DMRT1: variants seen among roughly 807,000 people sequenced by gnomAD.
The protein encoded by DMRT1 is doublesex- and mab-3-related transcription factor 1.
DMRT1 carries 7 observed loss-of-function variants against 32.3 expected under a neutral mutation model. The observed-to-expected ratio is 0.22, with a 90% CI of 0.12 to 0.41. The LOEUF is 0.41. Among genes scored for constraint, DMRT1 ranks in the 10% least tolerant of loss-of-function variants. The pLI, the probability that DMRT1 is intolerant of heterozygous loss-of-function variation, is 1.00. For missense variants in DMRT1, 625 were observed against 500.5 expected, an observed-to-expected ratio of 1.25 and a Z score of -2.37; for synonymous variants, 278 against 206.1, an observed-to-expected ratio of 1.35 and a Z score of -2.99.
In DMRT1 at chr9:879,055, G is replaced by A. The variant is rs114616246; in HGVS notation, c.539-14857G>A. Reference sequence around the variant, plus strand: ...ATAAGGATAAAGCCAGAGCTGCCTGGTTAGGACTTTATTGCTGTCTACTAA... The same window carrying A: ...ATAAGGATAAAGCCAGAGCTGCCTGATTAGGACTTTATTGCTGTCTACTAA... On this transcript the variant is annotated intron_variant, in intron 2 of 4. Transcript: ENST00000382276. Among the ~76,000 whole-genome samples the A allele has an allele frequency of 7.8e-3, 1,194 of 152,266 alleles. 16 individuals are homozygous for A. Among genetic ancestry groups the A allele is most frequent in the African/African-American group, 0.027 (1,141 of 41,552 alleles).
At chr9:879,797 C>G (rs557219533) in intron 2 of DMRT1, among the ~76,000 whole-genome samples, 33 of 152,270 alleles carry the variant, frequency 2.2e-4, no homozygotes, top group African/African-American at 7.5e-4. Context: ...CTTTGGATGG[C>G]TCTTTCATCC....
chr9:893,162 G>A (rs987518896), intron 2 of DMRT1, among the ~76,000 whole-genome samples: 47 of 152,208 alleles, frequency 3.1e-4, no homozygotes, highest in African/African-American at 1.1e-3. Context: ...TCAGGCACCC[G>A]GACTGGCTCT....
At chr9:901,664 A>G (rs2129675974) in intron 3 of DMRT1, among the ~76,000 whole-genome samples, 1 of 149,562 alleles carries the variant, frequency 6.7e-6, no homozygotes, top group East Asian at 2.0e-4. Flanking sequence ...GAGACTTCAC[A>G]TGAGTTTTTT....
intron 3 of DMRT1, among the ~76,000 whole-genome samples, chr9:914,197 T>C (rs1310821127): frequency 6.6e-6 from 1 of 152,216 alleles, no homozygotes; most frequent in Non-Finnish European, 1.5e-5. Flanking sequence ...GCTCTTCTGC[T>C]GTGTGGTCTT....
At chr9:960,690 C>T (rs887499653) in intron 4 of DMRT1, among the ~76,000 whole-genome samples, 2 of 152,210 alleles carry the variant, frequency 1.3e-5, no homozygotes, top group African/African-American at 4.8e-5. Flanking sequence ...CTGGGCTTGG[C>T]CCAGCCTGAC....
At chr9:913,790 G>A (rs916414627) in intron 3 of DMRT1, among the ~76,000 whole-genome samples, 1 of 152,166 alleles carries the variant, frequency 6.6e-6, no homozygotes, top group Non-Finnish European at 1.5e-5. Flanking sequence ...CTACTCAGGA[G>A]GCTGACGCAG....
rs369860332 is a variant in DMRT1 at position 862,631 on chromosome 9, G to T, written c.538+15488G>T. On this transcript the variant is annotated intron_variant, in intron 2 of 4. Transcript: ENST00000382276. ...AGATTGATGGGAAGGTCGTGCTGTT[G>T]TCCAGGTGAAAGGGAGAGCTGCTTA... 9.9e-5 allele frequency among the ~76,000 whole-genome samples: 15 copies of T among 152,270 alleles called. 1 individual carries two copies. Among genetic ancestry groups the T allele is most frequent in the Admixed American group, 7.2e-4 (11 of 15,292 alleles).
At chr9:906,040 C>A (rs866205851) in intron 3 of DMRT1, among the ~76,000 whole-genome samples, 1,084 of 75,096 alleles carry the variant, frequency 0.014, 13 homozygotes, top group African/African-American at 0.031. Context: ...CCCACACACA[C>A]ACACACACAC....
At chr9:882,620 A>T (rs1040207556) in intron 2 of DMRT1, among the ~76,000 whole-genome samples, 1 of 152,046 alleles carries the variant, frequency 6.6e-6, no homozygotes, top group African/African-American at 2.4e-5. Context: ...CAGTAGCCCC[A>T]GGGCAGCCTG....
chr9:910,510 T>G (rs1201158228), intron 3 of DMRT1, among the ~76,000 whole-genome samples: 1 of 151,458 alleles, frequency 6.6e-6, no homozygotes, highest in Non-Finnish European at 1.5e-5. Context: ...CAGTGACTGG[T>G]ATTTGGGATT....
Position 841,781 on chromosome 9 carries a change from G to A in DMRT1, c.-58G>A. 6.4e-7 allele frequency: 1 copy of A among 1,561,698 alleles called. No individual in the cohort carries two copies. Reference sequence around the variant, plus strand: ...TCGCTGTCCGTCGGGTTCATCCCTCGCAGCAGTCTCCAGGCGAGAGAGGGG... The same window carrying A: ...TCGCTGTCCGTCGGGTTCATCCCTCACAGCAGTCTCCAGGCGAGAGAGGGG... On this transcript the variant is annotated 5_prime_UTR_variant, in exon 1 of 5. Coordinates refer to ENST00000382276, the MANE Select transcript of DMRT1 (RefSeq NM_021951.3).
At chr9:916,489 G>A (rs1818187452) in intron 3 of DMRT1, among the ~76,000 whole-genome samples, 1 of 152,008 alleles carries the variant, frequency 6.6e-6, no homozygotes, top group Non-Finnish European at 1.5e-5. Context: ...TCCTACCTCA[G>A]CCTCCTGAGT....
At chr9:944,926 G>C (rs925245164) in intron 4 of DMRT1, among the ~76,000 whole-genome samples, 2 of 151,926 alleles carry the variant, frequency 1.3e-5, no homozygotes, top group Admixed American at 6.6e-5. Flanking sequence ...GGTAAATCTA[G>C]TTGCCTAAAA....
chr9:895,255 C>T (rs941695880), intron 3 of DMRT1, among the ~76,000 whole-genome samples: 15 of 152,072 alleles, frequency 9.9e-5, no homozygotes, highest in Non-Finnish European at 1.2e-4. Flanking sequence ...TCATCATGCC[C>T]GTTTGTTAGC....
intron 4 of DMRT1, among the ~76,000 whole-genome samples, chr9:927,622 A>G (rs1165021828): frequency 2.0e-5 from 3 of 152,200 alleles, no homozygotes; most frequent in South Asian, 2.1e-4. Flanking sequence ...ATATTTATAT[A>G]TAGGCATATA....
intron 4 of DMRT1, among the ~76,000 whole-genome samples, chr9:951,690 G>A (rs1182375555): frequency 6.6e-6 from 1 of 152,176 alleles, no homozygotes; most frequent in African/African-American, 2.4e-5. Context: ...AAACTGTTCT[G>A]GAGCAGATTG....
At chr9:849,865 C>A (rs1839065561) in intron 2 of DMRT1, among the ~76,000 whole-genome samples, 1 of 151,982 alleles carries the variant, frequency 6.6e-6, no homozygotes, top group African/African-American at 2.4e-5. Flanking sequence ...CTCTTGTTGC[C>A]CAGGGTGGAG....
intron 2 of DMRT1, among the ~76,000 whole-genome samples, chr9:864,670 T>C (rs542970000): frequency 1.3e-5 from 2 of 151,974 alleles, no homozygotes; most frequent in African/African-American, 2.4e-5. Flanking sequence ...GGCTAATTTT[T>C]TTTGTATTTT....
At position 894,002 on chromosome 9, in the gene DMRT1, A is replaced by G. The variant is rs774986428; in HGVS notation, c.629A>G (p.Tyr210Cys). ...GACCTGGTTTCAGACTCCACCTACT[A>G]CAGCAGCTTCTACCAGCCGTCTCTG... ...TPDLVSDSTY[Y>C]SSFYQPSLFP... Residue 210 changes from tyrosine to cysteine, a missense_variant, in exon 3 of 5, where the codon TAC becomes TGC. Physicochemically the swap from Tyr to Cys is radical, Grantham distance 194. Coordinates refer to ENST00000382276, the MANE Select transcript of DMRT1 (RefSeq NM_021951.3). 8.1e-6 allele frequency: 13 copies of G among 1,614,100 alleles called. No homozygotes were observed. Among genetic ancestry groups the G allele is most frequent in the East Asian group, 2.2e-5 (1 of 44,894 alleles).
Sources: gnomAD v4.1 joint callset for allele counts (sites outside exome capture counted in the v4.1 genomes callset) on GRCh38, gnomAD v4.1.1 for gene constraint, MANE v1.5 for transcripts, NCBI Gene and HGNC (gene_info 2026-07-23, HGNC 2026-07-21) for gene names.